The following MGAT1 variants were observed in gnomAD, a reference collection of about 807,000 sequenced individuals.
MGAT1 encodes the protein N-glycosyl-oligosaccharide-glycoprotein N-acetylglucosaminyltransferase I.
A neutral mutation model predicts 31.7 loss-of-function variants in MGAT1; 14 were observed. That is an observed-to-expected ratio of 0.44 (90% confidence interval 0.29 to 0.69). The LOEUF is 0.69. Ranked by LOEUF, MGAT1 falls within the 30% of genes least tolerant of loss-of-function variation. The pLI, the probability that MGAT1 is intolerant of heterozygous loss-of-function variation, is 0.12. For synonymous variants in MGAT1, 338 were observed against 276.0 expected, an observed-to-expected ratio of 1.22 and a Z score of -2.23; for missense variants, 557 against 626.0, an observed-to-expected ratio of 0.89 and a Z score of 1.18.
chr5:180,812,003 C>T (rs1013078313), intron 1 of MGAT1, among the ~76,000 whole-genome samples: 5 of 152,214 alleles, frequency 3.3e-5, no homozygotes, highest in Non-Finnish European at 7.3e-5. Flanking sequence ...GCCCCTGACC[C>T]AGAGCACTGC....
chr5:180,812,084 A>G (rs569181371), intron 1 of MGAT1, among the ~76,000 whole-genome samples: 1 of 152,282 alleles, frequency 6.6e-6, no homozygotes, highest in Non-Finnish European at 1.5e-5. Flanking sequence ...CGGGTTTACC[A>G]TGTATTGTCT....
intron 1 of MGAT1, among the ~76,000 whole-genome samples, chr5:180,793,718 G>T (rs1768732358): frequency 6.6e-6 from 1 of 152,142 alleles, no homozygotes; most frequent in South Asian, 2.1e-4. Context: ...ACTGAGCAAG[G>T]AAGTGTAATA....
chr5:180,789,285 G>A lies in MGAT1; in HGVS notation c.*2349C>T, dbSNP rs932007306. On this transcript the variant is annotated 3_prime_UTR_variant, in exon 2 of 2. Coordinates refer to ENST00000307826, the MANE Select transcript of MGAT1 (RefSeq NM_002406.4). ...GAAAGTTGCCTAGCCCAGGGTTTTT[G>A]GTTTGTTTTGTTTTGAGACGCAGTT... is the stretch of plus-strand genomic sequence containing the variant. 1.3e-5 allele frequency: 2 copies of A among 152,094 alleles called. No homozygotes were observed. Among genetic ancestry groups the A allele is most frequent in the Admixed American group, 6.6e-5 (1 of 15,262 alleles). 9.4% of individuals were successfully genotyped at this position (152,094 alleles called of 1,614,324 possible). A position where few individuals can be genotyped will look rare whatever the true frequency, so the allele number is the denominator to read the frequency against.
At chr5:180,806,463 G>A (rs983427608), upstream of MGAT1, among the ~76,000 whole-genome samples, 12 of 152,210 alleles carry the variant, frequency 7.9e-5, no homozygotes, top group Non-Finnish European at 1.5e-4. Flanking sequence ...GGAAGGTCAG[G>A]GAGAGGAATG....
At chr5:180,809,215 G>C in intron 1 of MGAT1, 1 of 152,102 alleles carries the variant, frequency 6.6e-6, no homozygotes, top group East Asian at 1.9e-4. Context: ...CACTCCGCAA[G>C]GTTATACAAA....
chr5:180,793,046 C>A lies in MGAT1; in HGVS notation c.-75G>T. The stretch of plus-strand genomic sequence containing the variant: ...TGGGCTTGCCCGGCTCCCTTGCCCG[C>A]AGTCCTAGGGATGCCTCCTCTGGAC... On this transcript the variant is annotated 5_prime_UTR_variant, in exon 2 of 2. Coordinates refer to ENST00000307826, the MANE Select transcript of MGAT1 (RefSeq NM_002406.4). 1 of 1,558,344 alleles carries A rather than the reference C, an allele frequency of 6.4e-7. No individual in the cohort carries two copies.
chr5:180,792,978 C>T lies in MGAT1; in HGVS notation c.-7G>A. 2 of 1,612,986 alleles carry T rather than the reference C, an allele frequency of 1.2e-6. No homozygotes were observed. The highest frequency in any genetic ancestry group is 1.7e-6 in the Non-Finnish European group (2 of 1,179,878). On this transcript the variant is annotated 5_prime_UTR_variant, in exon 2 of 2. Transcript: ENST00000307826. The stretch of plus-strand genomic sequence containing the variant: ...CAGACTGCTTCTTCAGCATCCTGGC[C>T]CCCACCGGGGAGGGCAGGCCAGGGG...
chr5:180,803,188 C>G (rs1386125971), upstream of MGAT1: 1 of 152,728 alleles, frequency 6.5e-6, no homozygotes, highest in Non-Finnish European at 1.5e-5. Context: ...CCAGTCCCCC[C>G]ACCCCAACCC....
intron 1 of MGAT1, among the ~76,000 whole-genome samples, chr5:180,813,165 T>C (rs1048387318): frequency 3.3e-5 from 5 of 152,170 alleles, no homozygotes; most frequent in Non-Finnish European, 7.3e-5. Context: ...TTGTTTGATA[T>C]GAAAGATACA....
In MGAT1 at chr5:180,792,153, G is replaced by A. The variant is rs373316640; in HGVS notation, c.819C>T (p.Ala273=). ...TGGGCTCCAGCTCAGCCCAGAGCTC[G>A]GCCAACAGCAGCCAGCCCAGGCCAG... ...FFPGLGWLLL[A]ELWAELEPKW... is the part of the protein sequence containing the mutation. The change falls in exon 2 of 2, where the codon GCC becomes GCT. Residue 273 remains alanine (A), a synonymous_variant. Transcript: ENST00000307826. 4.3e-6 allele frequency: 7 copies of A among 1,612,982 alleles called. No individual in the cohort carries two copies. Among genetic ancestry groups the A allele is most frequent in the Middle Eastern group, 1.6e-4 (1 of 6,084 alleles).
chr5:180,795,214 C>T (rs1200859886), intron 1 of MGAT1, among the ~76,000 whole-genome samples: 1 of 151,552 alleles, frequency 6.6e-6, no homozygotes, highest in Admixed American at 6.6e-5. Flanking sequence ...TACACAGGGG[C>T]ATTAGGAAGC....
At chr5:180,807,756 G>A (rs1023468007), upstream of MGAT1, among the ~76,000 whole-genome samples, 1 of 152,228 alleles carries the variant, frequency 6.6e-6, no homozygotes, top group East Asian at 1.9e-4. Context: ...ACAACTTGAT[G>A]ATCCCAAGTA....
chr5:180,815,074 C>T (rs1772793468), intron 1 of MGAT1, among the ~76,000 whole-genome samples: 1 of 152,068 alleles, frequency 6.6e-6, no homozygotes, highest in Non-Finnish European at 1.5e-5. Flanking sequence ...TGGTGAGAGC[C>T]CTCTTGATGG....
chr5:180,798,542 G>A (rs62405457), intron 1 of MGAT1, among the ~76,000 whole-genome samples: 18,878 of 152,226 alleles, frequency 0.12, 1,239 homozygotes, highest in East Asian at 0.25. Flanking sequence ...CTGCCAAGCC[G>A]CTGTGCTAGG....
chr5:180,811,821 G>T (rs1416358456), intron 1 of MGAT1, among the ~76,000 whole-genome samples: 2 of 152,232 alleles, frequency 1.3e-5, no homozygotes, highest in African/African-American at 2.4e-5. Flanking sequence ...CTGCCTAGCT[G>T]TCTGACCTGC....
intron 1 of MGAT1, among the ~76,000 whole-genome samples, chr5:180,798,842 C>CT (rs75396209): frequency 0.12 from 18,858 of 152,246 alleles, 1,239 homozygotes; most frequent in East Asian, 0.25. Context: ...ACCAGATCAT[C>CT]TTTTCAAAAT....
intron 1 of MGAT1, among the ~76,000 whole-genome samples, chr5:180,813,361 A>G (rs1317947916): frequency 1.3e-5 from 2 of 152,226 alleles, no homozygotes; most frequent in Non-Finnish European, 2.9e-5. Flanking sequence ...CCTACAGCAT[A>G]TCTTTTGCCC....
chr5:180,793,240 T>A, intron 1 of MGAT1, 143 bp from the exon 2 acceptor site: 1 of 524,466 alleles, frequency 1.9e-6, no homozygotes. Flanking sequence ...CTCTAGGGAG[T>A]CAACATATAT....
chr5:180,798,488 C>T (rs867279290), intron 1 of MGAT1, among the ~76,000 whole-genome samples: 5 of 152,212 alleles, frequency 3.3e-5, no homozygotes, highest in African/African-American at 1.2e-4. Flanking sequence ...CTCAGGCCCC[C>T]TCAGCTGCAA....
Sources: gnomAD v4.1 joint callset for allele counts (sites outside exome capture counted in the v4.1 genomes callset) on GRCh38, gnomAD v4.1.1 for gene constraint, MANE v1.5 for transcripts, NCBI Gene and HGNC (gene_info 2026-07-23, HGNC 2026-07-21) for gene names.